EPS8: variants seen among roughly 807,000 people sequenced by gnomAD.
EPS8 encodes EGFR pathway substrate 8, signaling adaptor.
A neutral mutation model predicts 103.8 loss-of-function variants in EPS8; 42 were observed. The observed-to-expected ratio is 0.40, with a 90% CI of 0.32 to 0.52. The LOEUF is 0.52. Among genes scored for constraint, EPS8 ranks in the 20% least tolerant of loss-of-function variants. The pLI is 0.40. For synonymous variants in EPS8, 344 were observed against 344.6 expected, an observed-to-expected ratio of 1.00 and a Z score of 0.02; for missense variants, 969 against 1,005.1, an observed-to-expected ratio of 0.96 and a Z score of 0.49.
chr12:15,665,787 G>C lies in EPS8; in HGVS notation c.705C>G (p.Ala235=). 6.2e-7 allele frequency: 1 copy of C among 1,613,580 alleles called. No individual in the cohort carries two copies. The highest frequency in any genetic ancestry group is 8.5e-7 in the Non-Finnish European group (1 of 1,179,842). ...CTTGGTCGGCTGCCCATGCAGACCA[G>C]GCTGCCACTCGACTTCTAACATCCA... ...TQVDVRSRVA[A]WSAWAADQGD... is the part of the protein sequence containing the mutation. Residue 235 remains alanine, a synonymous_variant, in exon 8 of 21, where the codon GCC becomes GCG. Coordinates refer to ENST00000281172, the MANE Select transcript of EPS8 (RefSeq NM_004447.6).
intron 18 of EPS8, among the ~76,000 whole-genome samples, chr12:15,629,324 C>T (rs2135724557): frequency 6.6e-6 from 1 of 152,292 alleles, no homozygotes; most frequent in East Asian, 1.9e-4. Flanking sequence ...GGCCGATGAA[C>T]TTTGATCCTA....
At chr12:15,667,918 A>C (rs1945744503) in intron 6 of EPS8, among the ~76,000 whole-genome samples, 1 of 152,118 alleles carries the variant, frequency 6.6e-6, no homozygotes, top group Non-Finnish European at 1.5e-5. Context: ...AAAGCAAGCC[A>C]TTTGTTCCCA....
At position 15,706,471 on chromosome 12, in the gene EPS8, A is replaced by G. The variant is rs113946303; in HGVS notation, c.-21-23499T>C. Among the ~76,000 whole-genome samples, 1 of 150,820 alleles carries G rather than the reference A, an allele frequency of 6.6e-6. No homozygotes were observed. Among genetic ancestry groups the G allele is most frequent in the African/African-American group, 2.4e-5 (1 of 40,988 alleles). On this transcript the variant is annotated intron_variant, in intron 1 of 20. Transcript: ENST00000281172. This position sits in a 1 kb window ranked among gnomAD's most constrained non-coding sequence, Gnocchi z 5.2. Reference sequence around the variant, plus strand: ...CTTGGGAAACCATTCCCTGACTCCCAATCTATCCTAGATTTCTACATTACA... The same window carrying G: ...CTTGGGAAACCATTCCCTGACTCCCGATCTATCCTAGATTTCTACATTACA...
chr12:15,711,038 T>TTATC (rs1946456209), intron 1 of EPS8, among the ~76,000 whole-genome samples: 1 of 29,528 alleles, frequency 3.4e-5, no homozygotes. Context: ...CCAGGCTTAT[T>TTATC]TATTTATTTA....
intron 1 of EPS8, among the ~76,000 whole-genome samples, chr12:15,707,238 T>A (rs955488888): frequency 3.3e-5 from 5 of 152,224 alleles, no homozygotes; most frequent in African/African-American, 1.2e-4. Context: ...AGAGCCAGGT[T>A]ATAAATATTT....
At chr12:15,641,700 A>G in intron 16 of EPS8, 22 bp downstream of exon 16, 1 of 1,300,008 alleles carries the variant, frequency 7.7e-7, no homozygotes, top group Non-Finnish European at 1.1e-6. Context: ...TTAAGAGTAT[A>G]AAAAAGAAAA....
intron 17 of EPS8, among the ~76,000 whole-genome samples, chr12:15,635,956 A>G (rs1945126842): frequency 6.6e-6 from 1 of 152,196 alleles, no homozygotes; most frequent in South Asian, 2.1e-4. Flanking sequence ...TAACAATAAT[A>G]AACGCATAGA....
intron 15 of EPS8, among the ~76,000 whole-genome samples, chr12:15,643,270 G>C (rs1279455913): frequency 6.6e-6 from 1 of 152,064 alleles, no homozygotes. Flanking sequence ...GGAGAGTTAA[G>C]GGTCTATAAC....
rs1480397937 is a variant in EPS8, at chr12:15,698,511, C to T, written c.-21-15539G>A. Among the ~76,000 whole-genome samples the T allele has an allele frequency of 6.6e-6, 1 of 151,026 alleles. No homozygotes were observed. The highest frequency in any genetic ancestry group is 2.4e-5 in the African/African-American group (1 of 40,992). On this transcript the variant is annotated intron_variant, in intron 1 of 20. Coordinates refer to ENST00000281172, the MANE Select transcript of EPS8 (RefSeq NM_004447.6). This position sits in a 1 kb window ranked among gnomAD's most constrained non-coding sequence, Gnocchi z 4.9. ...GACCTCTCTTATTGCCAGCCAACTT[C>T]CTTATTTTCCTCAAATGGAGTGGAA...
chr12:15,772,282 GA>G lies in EPS8; in HGVS notation c.-22+16878del, dbSNP rs1947163038. On this transcript the variant is annotated intron_variant, in intron 1 of 20. Transcript: ENST00000281172. This position sits in a 1 kb window ranked among gnomAD's most constrained non-coding sequence, Gnocchi z 5.0. ...GATGAGGGGGCCAGAGTAAAAGCAA[GA>G]AATTAATTTTGGGAAATGTGAAGTC... 6.6e-6 allele frequency among the ~76,000 whole-genome samples: 1 copy of G among 152,102 alleles called. No individual in the cohort carries two copies. The highest frequency in any genetic ancestry group is 2.1e-4 in the South Asian group (1 of 4,822).
chr12:15,629,111 G>A (rs1481761526), intron 18 of EPS8, among the ~76,000 whole-genome samples: 1 of 152,180 alleles, frequency 6.6e-6, no homozygotes, highest in African/African-American at 2.4e-5. Context: ...TTTTGGGAGA[G>A]ATGTTTATAT....
chr12:15,766,934 G>T (rs1352090426), intron 1 of EPS8, among the ~76,000 whole-genome samples: 1 of 152,108 alleles, frequency 6.6e-6, no homozygotes, highest in East Asian at 1.9e-4. Context: ...TCTTTAAACA[G>T]CAGGTCTCAC....
rs1946385085 is a variant in EPS8 at position 15,706,237 on chromosome 12, C to T, written c.-21-23265G>A. ...GCCGGCCTGTGCACTGGGGTGGAGCCTGAGCAAGTTTGCACCTTTGCAGAG... is the reference window on the plus strand; with the variant it reads ...GCCGGCCTGTGCACTGGGGTGGAGCTTGAGCAAGTTTGCACCTTTGCAGAG... On this transcript the variant is annotated intron_variant, in intron 1 of 20. Transcript: ENST00000281172. This position sits in a 1 kb window ranked among gnomAD's most constrained non-coding sequence, Gnocchi z 5.2. Among the ~76,000 whole-genome samples, 1 of 152,164 alleles carries T rather than the reference C, an allele frequency of 6.6e-6. No individual in the cohort carries two copies. The highest frequency in any genetic ancestry group is 2.4e-5 in the African/African-American group (1 of 41,428).
intron 15 of EPS8, among the ~76,000 whole-genome samples, chr12:15,646,009 A>G (rs1565476708): frequency 6.6e-6 from 1 of 152,228 alleles, no homozygotes; most frequent in Non-Finnish European, 1.5e-5. Flanking sequence ...AAAAGAAAAT[A>G]TTAAGATGAA....
Position 15,777,590 on chromosome 12 carries a change from T to C in EPS8, c.-22+11571A>G, listed in dbSNP as rs564851723. 1.3e-4 allele frequency among the ~76,000 whole-genome samples: 20 copies of C among 152,322 alleles called. No individual in the cohort carries two copies. The highest frequency in any genetic ancestry group is 4.3e-4 in the African/African-American group (18 of 41,576). ...CCTTCACTGTCATAACCACTATGAA[T>C]GTCTCTTTTATTCAGACTTCTCTCT... On this transcript the variant is annotated intron_variant, in intron 1 of 20. Transcript: ENST00000281172. The surrounding 1 kb of genome is among the most constrained non-coding windows in gnomAD (Gnocchi z 4.7).
At chr12:15,774,626 TATAA>T (rs1947188950) in intron 1 of EPS8, among the ~76,000 whole-genome samples, 1 of 147,550 alleles carries the variant, frequency 6.8e-6, no homozygotes, top group African/African-American at 2.5e-5. Context: ...CATATATAAA[TATAA>T]ATATACATAC....
chr12:15,639,182 A>T (rs781607263), intron 17 of EPS8, among the ~76,000 whole-genome samples: 11 of 152,176 alleles, frequency 7.2e-5, no homozygotes, highest in Non-Finnish European at 1.2e-4. Context: ...TGACCTGCAT[A>T]TTAAAATTAG....
rs551343961 is a variant in EPS8 at position 15,757,494 on chromosome 12, G to C, written c.-22+31667C>G. On this transcript the variant is annotated intron_variant, in intron 1 of 20. Transcript: ENST00000281172. The surrounding 1 kb of genome is among the most constrained non-coding windows in gnomAD (Gnocchi z 4.1). ...AAAATACAAAAATTAGCTAGGCGTGGTGGCGCATGCCTGTAATCCCAGTTG... is the reference window on the plus strand; with the variant it reads ...AAAATACAAAAATTAGCTAGGCGTGCTGGCGCATGCCTGTAATCCCAGTTG... Among the ~76,000 whole-genome samples the C allele has an allele frequency of 6.6e-6, 1 of 152,264 alleles. No homozygotes were observed. Among genetic ancestry groups the C allele is most frequent in the African/African-American group, 2.4e-5 (1 of 41,548 alleles).
intron 18 of EPS8, among the ~76,000 whole-genome samples, chr12:15,627,408 G>A (rs896074839): frequency 2.6e-5 from 4 of 151,870 alleles, no homozygotes; most frequent in Non-Finnish European, 5.9e-5. Context: ...TACGTGGAAC[G>A]GTGCTTTAAT....
Sources: gnomAD v4.1 joint callset for allele counts (sites outside exome capture counted in the v4.1 genomes callset) on GRCh38, gnomAD v4.1.1 for gene constraint, Gnocchi (gnomAD v3.1) non-coding constraint, MANE v1.5 for transcripts, NCBI Gene and HGNC (gene_info 2026-07-23, HGNC 2026-07-21) for gene names.